SDK1: variants seen among roughly 807,000 people sequenced by gnomAD.
The protein encoded by SDK1 is protein sidekick-1.
In SDK1, 157 loss-of-function variants were observed where a neutral mutation model predicts 245.5. That is an observed-to-expected ratio of 0.64 (90% CI 0.56 to 0.73). SDK1 has a LOEUF of 0.73. Among genes scored for constraint, SDK1 ranks in the 30% least tolerant of loss-of-function variants. The pLI is 0.00. For synonymous variants in SDK1, 1,647 were observed against 1,278.5 expected (o/e 1.29, Z -6.15); for missense variants, 3,583 against 3,002.3 (o/e 1.19, Z -4.52).
chr7:3,581,361 A>G (rs1780481932), intron 1 of SDK1, among the ~76,000 whole-genome samples: 4 of 152,232 alleles, frequency 2.6e-5, no homozygotes, highest in Admixed American at 1.3e-4. Context: ...AAACTTTTCA[A>G]AAGAAGACAT....
At chr7:3,924,409 G>A (rs1779698793) in intron 5 of SDK1, among the ~76,000 whole-genome samples, 1 of 152,166 alleles carries the variant, frequency 6.6e-6, no homozygotes, top group African/African-American at 2.4e-5. Context: ...GTGAATGGAT[G>A]GGGTGGCCAT....
intron 1 of SDK1, among the ~76,000 whole-genome samples, chr7:3,575,190 C>T (rs1780245632): frequency 6.6e-6 from 1 of 152,068 alleles, no homozygotes. Flanking sequence ...CTGGTGAGGG[C>T]TCCCTTCTTG....
At chr7:3,311,560 C>A (rs1779550952) in intron 1 of SDK1, among the ~76,000 whole-genome samples, 2 of 151,914 alleles carry the variant, frequency 1.3e-5, no homozygotes, top group African/African-American at 2.4e-5. Context: ...ATATTTTTTC[C>A]AAATTTGAAA....
Position 4,229,253 on chromosome 7 carries a change from G to A in SDK1, c.5828-4002G>A, listed in dbSNP as rs923429154. ...ATTTTTTTCTTACCCACTCGTGATC[G>A]TGGTGTAAATATTAGTACGAGATAA... On this transcript the variant is annotated intron_variant, in intron 40 of 44. Coordinates refer to ENST00000404826, the MANE Select transcript of SDK1 (RefSeq NM_152744.4). Among the ~76,000 whole-genome samples, 7 of 152,266 alleles carry A rather than the reference G, an allele frequency of 4.6e-5. No individual in the cohort carries two copies. The South Asian group carries it at 6.2e-4, about 14-fold the overall frequency.
At chr7:4,087,944 T>G (rs560421287) in intron 22 of SDK1, among the ~76,000 whole-genome samples, 1 of 152,384 alleles carries the variant, frequency 6.6e-6, no homozygotes, top group South Asian at 2.1e-4. Flanking sequence ...GGGAACACAA[T>G]TGATTTTTAA....
At chr7:3,593,780 C>T (rs148622288) in intron 1 of SDK1, among the ~76,000 whole-genome samples, 81 of 152,278 alleles carry the variant, frequency 5.3e-4, no homozygotes, top group African/African-American at 1.6e-3. Context: ...TGGGTGAGAA[C>T]GTAAGCTCTT....
intron 17 of SDK1, among the ~76,000 whole-genome samples, chr7:4,027,946 C>T (rs1010651176): frequency 1.4e-5 from 2 of 144,990 alleles, no homozygotes; most frequent in African/African-American, 5.2e-5. Context: ...ATAAAAGCAA[C>T]AAGCAGGGGA....
At chr7:4,152,500 C>G (rs1229725202) in intron 30 of SDK1, among the ~76,000 whole-genome samples, 1 of 152,250 alleles carries the variant, frequency 6.6e-6, no homozygotes, top group Non-Finnish European at 1.5e-5. Flanking sequence ...TATCCAGCCA[C>G]TATTCCTGAA....
chr7:3,889,754 C>G (rs190544650), intron 5 of SDK1, among the ~76,000 whole-genome samples: 1 of 152,252 alleles, frequency 6.6e-6, no homozygotes, highest in East Asian at 1.9e-4. Flanking sequence ...GTGATCCACC[C>G]TCCTCGACCT....
intron 4 of SDK1, among the ~76,000 whole-genome samples, chr7:3,690,136 T>A (rs1411151569): frequency 6.6e-6 from 1 of 152,108 alleles, no homozygotes. Flanking sequence ...TTTGGAAAAA[T>A]CTGGAATGGA....
intron 22 of SDK1, among the ~76,000 whole-genome samples, chr7:4,099,481 G>A (rs1466787561): frequency 2.4e-5 from 3 of 126,148 alleles, no homozygotes. Flanking sequence ...AGCGGGCTCC[G>A]GGGCTGGGGG....
chr7:3,442,928 A>C (rs6951733), intron 1 of SDK1, among the ~76,000 whole-genome samples: 6,547 of 152,170 alleles, frequency 0.043, 441 homozygotes, highest in African/African-American at 0.14. Context: ...GTCTTCTTTC[A>C]TTTAAAAACT....
intron 1 of SDK1, among the ~76,000 whole-genome samples, chr7:3,513,370 A>T (rs753781155): frequency 1.3e-5 from 2 of 152,192 alleles, no homozygotes; most frequent in Non-Finnish European, 2.9e-5. Context: ...GTTATTCTCA[A>T]GTTGATTTAC....
intron 1 of SDK1, among the ~76,000 whole-genome samples, chr7:3,493,898 T>C (rs1276326790): frequency 1.3e-5 from 2 of 152,242 alleles, no homozygotes; most frequent in African/African-American, 4.8e-5. Flanking sequence ...CCAGTTTGAA[T>C]TGGAAATATC....
chr7:4,087,415 T>C (rs1781492268), intron 22 of SDK1, among the ~76,000 whole-genome samples: 1 of 152,190 alleles, frequency 6.6e-6, no homozygotes, highest in African/African-American at 2.4e-5. Flanking sequence ...CTTTAAACTA[T>C]GCTTTAATAT....
chr7:3,499,419 G>A (rs897329670), intron 1 of SDK1, among the ~76,000 whole-genome samples: 1 of 152,108 alleles, frequency 6.6e-6, no homozygotes, highest in African/African-American at 2.4e-5. Context: ...AAAATGTGTA[G>A]TATGGTGTAA....
At chr7:3,672,759 T>TTTTATATATATATA (rs1554307102) in intron 4 of SDK1, among the ~76,000 whole-genome samples, 2 of 50,756 alleles carry the variant, frequency 3.9e-5, no homozygotes, top group Non-Finnish European at 6.9e-5. Context: ...ATATATAATT[T>TTTTATATATATATA]TATATATATA....
intron 14 of SDK1, among the ~76,000 whole-genome samples, chr7:4,007,673 C>G (rs779031400): frequency 6.6e-6 from 1 of 152,110 alleles, no homozygotes; most frequent in Non-Finnish European, 1.5e-5. Context: ...GGCGCGGTCT[C>G]GACTCCCTAC....
chr7:4,234,812 G>A (rs117749317), intron 41 of SDK1, among the ~76,000 whole-genome samples: 2,462 of 152,316 alleles, frequency 0.016, 26 homozygotes, highest in Non-Finnish European at 0.025. Context: ...GAGAGGGATG[G>A]GCTGTGTTTG....
Sources: gnomAD v4.1 joint callset for allele counts (sites outside exome capture counted in the v4.1 genomes callset) on GRCh38, gnomAD v4.1.1 for gene constraint, MANE v1.5 for transcripts, NCBI Gene and HGNC (gene_info 2026-07-23, HGNC 2026-07-21) for gene names.